Variants in PIK3R3 observed in about 807,000 individuals in gnomAD.
The protein encoded by PIK3R3 is phosphoinositide-3-kinase regulatory subunit 3, also known as phosphatidylinositol 3-kinase regulatory subunit gamma.
In PIK3R3, 64 loss-of-function variants were observed where a neutral mutation model predicts 62.9. The observed-to-expected ratio is 1.02, with a 90% CI of 0.83 to 1.25. PIK3R3 has a LOEUF of 1.25. Ranked by LOEUF, PIK3R3 falls within the 50% of genes most tolerant of loss-of-function variation. PIK3R3 has a pLI of 0.00. For missense variants in PIK3R3, 614 were observed against 561.6 expected (o/e 1.09, Z -0.94); for synonymous variants, 165 against 189.0 (o/e 0.87, Z 1.04).
In PIK3R3 at chr1:46,048,159, C is replaced by T. The variant is rs946962035; in HGVS notation, c.942-1534G>A. 2.0e-5 allele frequency: 3 copies of T among 152,352 alleles called. No homozygotes were observed. The East Asian group carries it at 5.8e-4, about 29-fold the overall frequency. The allele number at this position is 152,352 out of a possible 1,614,324, so 9.4% of individuals were successfully genotyped here. On this transcript the variant is annotated intron_variant, in intron 7 of 9. Transcript: ENST00000262741. ...TGTAATGAAAGTGGTCTGTCCTGTT[C>T]ATGGCTATGTTGCCAATTATTAAAA...
chr1:46,145,353 T>G, the PIK3R3 span, among the ~76,000 whole-genome samples: 1 of 141,496 alleles, frequency 7.1e-6, no homozygotes. Context: ...ACAGAATACC[T>G]GAGGCTGGAT....
chr1:46,116,086 C>T (rs1344307691), intron 1 of PIK3R3, among the ~76,000 whole-genome samples: 1 of 152,028 alleles, frequency 6.6e-6, no homozygotes, highest in African/African-American at 2.4e-5. Context: ...AATGTAAACC[C>T]CTTTGGCATT....
At chr1:46,147,028 A>G in the PIK3R3 span, among the ~76,000 whole-genome samples, 1 of 152,172 alleles carries the variant, frequency 6.6e-6, no homozygotes, top group African/African-American at 2.4e-5. Flanking sequence ...AGGGAGGGTA[A>G]TCTAGCACCT....
chr1:46,132,769 C>T (rs1655746182), upstream of PIK3R3: 1 of 1,276,392 alleles, frequency 7.8e-7, no homozygotes, highest in Non-Finnish European at 1.0e-6. Flanking sequence ...TCCACGCCGT[C>T]CCGCCTCGAT....
intron 3 of PIK3R3, among the ~76,000 whole-genome samples, chr1:46,070,099 T>TATAGAG (rs1649351103): frequency 2.0e-5 from 3 of 152,184 alleles, no homozygotes; most frequent in African/African-American, 2.4e-5. Flanking sequence ...GGGAAGTATC[T>TATAGAG]AGAAAGAGAT....
At chr1:46,089,757 T>C (rs1651439265) in intron 1 of PIK3R3, among the ~76,000 whole-genome samples, 2 of 151,066 alleles carry the variant, frequency 1.3e-5, no homozygotes, top group South Asian at 4.2e-4. Context: ...AGTATACTAA[T>C]GGCTTAGCTG....
intron 1 of PIK3R3, among the ~76,000 whole-genome samples, chr1:46,088,495 A>T (rs1651304398): frequency 1.3e-5 from 2 of 152,126 alleles, no homozygotes; most frequent in Non-Finnish European, 2.9e-5. Context: ...ATATCAAAGT[A>T]ACATTCAAAG....
intron 1 of PIK3R3, among the ~76,000 whole-genome samples, chr1:46,128,841 G>T (rs979094924): frequency 1.3e-5 from 2 of 152,180 alleles, no homozygotes; most frequent in African/African-American, 4.8e-5. Flanking sequence ...AGCACTTTGG[G>T]AGGCCGAGGC....
At chr1:46,085,794 G>A (rs918610723) in intron 1 of PIK3R3, among the ~76,000 whole-genome samples, 2 of 152,166 alleles carry the variant, frequency 1.3e-5, no homozygotes, top group African/African-American at 4.8e-5. Flanking sequence ...GTGCACCTAA[G>A]CAAATACCTT....
At chr1:46,085,192 A>G (rs528685292) in intron 1 of PIK3R3, among the ~76,000 whole-genome samples, 2 of 152,350 alleles carry the variant, frequency 1.3e-5, no homozygotes, top group African/African-American at 4.8e-5. Flanking sequence ...TAAAGTTGCT[A>G]AAAGAACACA....
chr1:46,095,203 C>A (rs950270208), intron 1 of PIK3R3, among the ~76,000 whole-genome samples: 9 of 152,086 alleles, frequency 5.9e-5, no homozygotes, highest in African/African-American at 2.2e-4. Context: ...CAGCACTATA[C>A]ACAATAGCAA....
the PIK3R3 span, among the ~76,000 whole-genome samples, chr1:46,143,704 A>C: frequency 6.6e-6 from 1 of 152,086 alleles, no homozygotes; most frequent in African/African-American, 2.4e-5. Flanking sequence ...GCCAGTATCA[A>C]ATTTCTGGAC....
intron 1 of PIK3R3, among the ~76,000 whole-genome samples, chr1:46,122,431 G>A (rs1485496697): frequency 3.3e-5 from 5 of 152,056 alleles, no homozygotes; most frequent in Non-Finnish European, 5.9e-5. Flanking sequence ...GTGCAGTGGC[G>A]CGATCTCAGC....
intron 3 of PIK3R3, among the ~76,000 whole-genome samples, chr1:46,069,689 C>G (rs974719127): frequency 1.1e-4 from 17 of 152,080 alleles, no homozygotes; most frequent in African/African-American, 4.1e-4. Flanking sequence ...AGTTACCAGC[C>G]GATGTATGTT....
rs1304386711 is a variant in PIK3R3, at chr1:46,043,843, TCA to T, written c.1214_1215del (p.Val405AspfsTer76). 2 of 1,613,856 alleles carry T rather than the reference TCA, an allele frequency of 1.2e-6. No homozygotes were observed. Among genetic ancestry groups the T allele is most frequent in the Non-Finnish European group, 1.7e-6 (2 of 1,179,950 alleles). On this transcript the variant is annotated frameshift_variant, in exon 10 of 10. Coordinates refer to ENST00000262741, the MANE Select transcript of PIK3R3 (RefSeq NM_003629.4). LOFTEE classifies it high-confidence loss of function. ...CCATAGCCCCGAGCAGTGCTGTAGA[TCA>T]CACAGTGCTTCACTTCCCCATCGGC... ...VVADGEVKHCVIYSTARGYGF... is the reference protein window; with the variant it reads ...VVADGEVKHCXIYSTARGYGF...
chr1:46,061,851 G>T, intron 6 of PIK3R3, 78 bp downstream of exon 6: 2 of 1,414,730 alleles, frequency 1.4e-6, no homozygotes, highest in South Asian at 2.4e-5. Flanking sequence ...GGGGGTAAAA[G>T]AAAACAAGAC....
chr1:46,097,762 G>A (rs1182589453), intron 1 of PIK3R3, among the ~76,000 whole-genome samples: 2 of 151,828 alleles, frequency 1.3e-5, no homozygotes, highest in Non-Finnish European at 2.9e-5. Context: ...GGTGGTGGAC[G>A]CCTGTAATCC....
intron 1 of PIK3R3, among the ~76,000 whole-genome samples, chr1:46,124,077 C>G (rs1654887064): frequency 6.6e-6 from 1 of 152,072 alleles, no homozygotes; most frequent in Admixed American, 6.6e-5. Flanking sequence ...CAAAATAGCT[C>G]AAAGGTTTTG....
rs1330445449 is a variant in PIK3R3, at chr1:46,082,566, GTTC to G, written c.107-1819_107-1817del. Among the ~76,000 whole-genome samples, 4 of 152,260 alleles carry G rather than the reference GTTC, an allele frequency of 2.6e-5. No homozygotes were observed. In the East Asian group the frequency reaches 7.7e-4, roughly 29 times the overall value. ...TTATATTGTGCTTCTGTAGGAAAATGTTCTTGTTTGTGGGAAATACACACAACA... is the reference window on the plus strand; with the variant it reads ...TTATATTGTGCTTCTGTAGGAAAATGTTGTTTGTGGGAAATACACACAACA... On this transcript the variant is annotated intron_variant, in intron 1 of 9. Coordinates refer to ENST00000262741, the MANE Select transcript of PIK3R3 (RefSeq NM_003629.4).
Sources: allele counts gnomAD v4.1 joint callset (sites outside exome capture counted in the v4.1 genomes callset), GRCh38; gene constraint gnomAD v4.1.1; transcripts MANE v1.5; gene names NCBI Gene and HGNC (gene_info 2026-07-23, HGNC 2026-07-21).